PLEKHM3: variants seen among roughly 807,000 people sequenced by gnomAD.
PLEKHM3 encodes pleckstrin homology domain-containing family M member 3.
PLEKHM3 carries 45 observed loss-of-function variants against 81.8 expected under a neutral mutation model. The ratio of observed to expected loss-of-function variants is 0.55; its 90% CI spans 0.43 to 0.71. The LOEUF (loss-of-function observed/expected upper bound fraction) is 0.71, where lower values mean the gene tolerates loss of function less well. PLEKHM3 is among the 30% of genes least tolerant of loss of function. The probability of loss-of-function intolerance (pLI) is 0.00; values close to 1 mark genes in which losing one functional copy is unlikely to be tolerated. For synonymous variants in PLEKHM3, 352 were observed against 356.4 expected (o/e 0.99, Z 0.14); for missense variants, 788 against 924.3 (o/e 0.85, Z 1.91).
intron 4 of PLEKHM3, among the ~76,000 whole-genome samples, chr2:207,942,927 G>A (rs1323468000): frequency 6.6e-6 from 1 of 152,030 alleles, no homozygotes; most frequent in Non-Finnish European, 1.5e-5. Context: ...AAGAAGGCAG[G>A]CAGGCACAGA....
chr2:208,014,979 A>G (rs1037242722), intron 1 of PLEKHM3, among the ~76,000 whole-genome samples: 5 of 152,260 alleles, frequency 3.3e-5, no homozygotes, highest in African/African-American at 1.2e-4. Context: ...GTAGAATGAT[A>G]TATTTGATAA....
rs192139363 is a variant in PLEKHM3, at chr2:207,923,953, G to T, written c.1886+6973C>A. 4.9e-4 allele frequency among the ~76,000 whole-genome samples: 61 copies of T among 125,048 alleles called. 1 individual carries two copies. The South Asian group carries it at 7.6e-3, about 16-fold the overall frequency. 82.0% of individuals were successfully genotyped at this position (125,048 alleles called of 152,430 possible). On this transcript the variant is annotated intron_variant, in intron 5 of 7. Transcript: ENST00000427836. Reference sequence around the variant, plus strand: ...AGGCGGAGTCTTGCTCTGCCTCCCAGGCTGGAGTGCAGTGGCGCAATCTGA... The same window carrying T: ...AGGCGGAGTCTTGCTCTGCCTCCCATGCTGGAGTGCAGTGGCGCAATCTGA...
chr2:207,902,815 TCCAC>T (rs377451056), intron 6 of PLEKHM3, among the ~76,000 whole-genome samples: 2 of 129,418 alleles, frequency 1.5e-5, no homozygotes, highest in African/African-American at 3.0e-5. Flanking sequence ...CTGTCACCCA[TCCAC>T]CCACCCACCC....
chr2:207,998,807 G>A (rs769190107), intron 2 of PLEKHM3, among the ~76,000 whole-genome samples: 20 of 152,214 alleles, frequency 1.3e-4, no homozygotes, highest in Admixed American at 4.6e-4. Flanking sequence ...CTCTTGACTC[G>A]TGCTACACCA....
At chr2:207,939,666 T>C (rs888325330) in intron 4 of PLEKHM3, among the ~76,000 whole-genome samples, 1 of 152,206 alleles carries the variant, frequency 6.6e-6, no homozygotes, top group African/African-American at 2.4e-5. Flanking sequence ...ATTATTTCCA[T>C]TCTAAAGGTG....
intron 2 of PLEKHM3, among the ~76,000 whole-genome samples, chr2:207,997,452 C>T (rs186421425): frequency 6.6e-6 from 1 of 152,226 alleles, no homozygotes; most frequent in Admixed American, 6.5e-5. Flanking sequence ...TTAAGCTATT[C>T]AAGGTGAGTT....
At chr2:207,856,388 TG>T (rs2092437818) in intron 7 of PLEKHM3, among the ~76,000 whole-genome samples, 1 of 152,214 alleles carries the variant, frequency 6.6e-6, no homozygotes, top group Non-Finnish European at 1.5e-5. Context: ...TTCTGACAAA[TG>T]TATAATGTCA....
At chr2:208,021,502 T>G (rs1285097702) in intron 1 of PLEKHM3, among the ~76,000 whole-genome samples, 1 of 152,232 alleles carries the variant, frequency 6.6e-6, no homozygotes, top group East Asian at 1.9e-4. Context: ...AAAAATCACT[T>G]TCTGCCACAT....
chr2:207,913,723 ATT>A (rs144930128), intron 5 of PLEKHM3, among the ~76,000 whole-genome samples: 6 of 149,806 alleles, frequency 4.0e-5, no homozygotes, highest in Non-Finnish European at 7.4e-5. Flanking sequence ...CTAAGAAAGG[ATT>A]TTTTTTTTTC....
chr2:207,858,241 T>C (rs1167248421), intron 7 of PLEKHM3, among the ~76,000 whole-genome samples: 1 of 150,630 alleles, frequency 6.6e-6, no homozygotes, highest in South Asian at 2.1e-4. Context: ...TGGTGTGATC[T>C]TGGCTCACTG....
In PLEKHM3 at chr2:207,965,710, T is replaced by C. The variant is rs570376066; in HGVS notation, c.1546+10941A>G. On this transcript the variant is annotated intron_variant, in intron 3 of 7. Coordinates refer to ENST00000427836, the MANE Select transcript of PLEKHM3 (RefSeq NM_001080475.3). ...TTAGTATGTATTCATATTCTTCTTA[T>C]ACATTTATTTTTATTTAAAATTATT... Among the ~76,000 whole-genome samples, 8 of 152,340 alleles carry C rather than the reference T, an allele frequency of 5.3e-5. No individual in the cohort carries two copies. The East Asian group carries it at 1.3e-3, about 26-fold the overall frequency.
At chr2:207,873,919 C>T (rs1168689476) in intron 6 of PLEKHM3, among the ~76,000 whole-genome samples, 1 of 152,172 alleles carries the variant, frequency 6.6e-6, no homozygotes, top group East Asian at 1.9e-4. Context: ...TGCTGGCTCA[C>T]TGATGAGGAA....
At chr2:208,014,752 C>A (rs1445454711) in intron 1 of PLEKHM3, among the ~76,000 whole-genome samples, 1 of 152,236 alleles carries the variant, frequency 6.6e-6, no homozygotes, top group East Asian at 1.9e-4. Flanking sequence ...ATTAGCATGG[C>A]ATAGATTTTT....
At chr2:207,854,364 CT>C (rs1193487718) in intron 7 of PLEKHM3, among the ~76,000 whole-genome samples, 4 of 152,196 alleles carry the variant, frequency 2.6e-5, no homozygotes, top group African/African-American at 9.7e-5. Flanking sequence ...TATCATCCCC[CT>C]ACCCCATCAT....
At chr2:207,885,612 A>G (rs1296020201) in intron 6 of PLEKHM3, among the ~76,000 whole-genome samples, 1 of 152,252 alleles carries the variant, frequency 6.6e-6, no homozygotes, top group Non-Finnish European at 1.5e-5. Context: ...AAATAAAAAC[A>G]AAAACCAATG....
intron 6 of PLEKHM3, among the ~76,000 whole-genome samples, chr2:207,882,015 C>A (rs1432345918): frequency 6.6e-6 from 1 of 152,192 alleles, no homozygotes; most frequent in Non-Finnish European, 1.5e-5. Flanking sequence ...GGGGTTAACT[C>A]TGGGCTTGGC....
At chr2:207,890,274 T>C (rs1362757904) in intron 6 of PLEKHM3, among the ~76,000 whole-genome samples, 1 of 152,192 alleles carries the variant, frequency 6.6e-6, no homozygotes, top group Admixed American at 6.5e-5. Context: ...CTTCAAATTA[T>C]GGGAAGGAGA....
In PLEKHM3 at chr2:207,942,380, T is replaced by G. The variant is rs114493256; in HGVS notation, c.1692+3987A>C. ...TACAAAAATTAGTCGGATGTAGTGA[T>G]GTGCACCTATGGTCCCAGCTAGTTG... On this transcript the variant is annotated intron_variant, in intron 4 of 7. Coordinates refer to ENST00000427836, the MANE Select transcript of PLEKHM3 (RefSeq NM_001080475.3). Among the ~76,000 whole-genome samples, 907 of 152,144 alleles carry G rather than the reference T, an allele frequency of 6.0e-3. 17 individuals carry two copies. The highest frequency in any genetic ancestry group is 0.021 in the African/African-American group (866 of 41,520).
At chr2:207,850,421 G>A (rs1258213897) in intron 7 of PLEKHM3, among the ~76,000 whole-genome samples, 2 of 152,196 alleles carry the variant, frequency 1.3e-5, no homozygotes, top group South Asian at 2.1e-4. Flanking sequence ...AACCTAGGAG[G>A]ATGACTTACA....
Sources: allele counts gnomAD v4.1 joint callset (sites outside exome capture counted in the v4.1 genomes callset), GRCh38; gene constraint gnomAD v4.1.1; transcripts MANE v1.5; gene names NCBI Gene and HGNC (gene_info 2026-07-23, HGNC 2026-07-21).